CDC42BPG: variants seen among roughly 807,000 people sequenced by gnomAD.
CDC42BPG encodes CDC42 binding protein kinase gamma.
A neutral mutation model predicts 192.2 loss-of-function variants in CDC42BPG; 157 were observed. The ratio of observed to expected loss-of-function variants is 0.82; its 90% CI spans 0.72 to 0.93. The LOEUF is 0.93. Among genes scored for constraint, CDC42BPG ranks in the 40% least tolerant of loss-of-function variants. The pLI is 0.00. For synonymous variants in CDC42BPG, 981 were observed against 918.5 expected (o/e 1.07, Z -1.23); for missense variants, 1,992 against 2,122.1 (o/e 0.94, Z 1.20).
At chr11:64,826,429 C>T (rs1330160846) in intron 36 of CDC42BPG, 41 bp downstream of exon 36, 3 of 1,417,736 alleles carry the variant, frequency 2.1e-6, no homozygotes, top group South Asian at 1.2e-5. Flanking sequence ...AACTGCCTGA[C>T]GTTTGAATAG....
At chr11:64,836,613 C>CA (rs1306592871) in intron 11 of CDC42BPG, 83 bp from the exon 12 acceptor site, 1 of 1,370,920 alleles carries the variant, frequency 7.3e-7, no homozygotes, top group East Asian at 2.3e-5. Context: ...GCCTGTTTCC[C>CA]ACACGCGGGC....
At chr11:64,842,379 TG>T (rs1326802389) in intron 1 of CDC42BPG, among the ~76,000 whole-genome samples, 2 of 152,148 alleles carry the variant, frequency 1.3e-5, no homozygotes, top group African/African-American at 2.4e-5. Context: ...TCAGGAGCTG[TG>T]GGCCTGGGTC....
chr11:64,830,891 G>A (rs1180677508), intron 28 of CDC42BPG, among the ~76,000 whole-genome samples: 1 of 152,250 alleles, frequency 6.6e-6, no homozygotes, highest in Non-Finnish European at 1.5e-5. Context: ...TAGTGAGACA[G>A]CCAGGACTGA....
Position 64,839,576 on chromosome 11 carries a change from G to C in CDC42BPG, c.582-5C>G, listed in dbSNP as rs1188788031. ...ACGTTGTCTGGCTTGACATCCCTGG[G>C]GGATGGCAGGCAGGGAGAGTGAGGC... On this transcript the variant is annotated splice_region_variant and splice_polypyrimidine_tract_variant and intron_variant, in intron 5 of 36. Transcript: ENST00000342711. 12 of 1,610,128 alleles carry C rather than the reference G, an allele frequency of 7.5e-6. No individual in the cohort carries two copies. The highest frequency in any genetic ancestry group is 9.3e-6 in the Non-Finnish European group (11 of 1,178,904).
chr11:64,840,625 C>G lies in CDC42BPG; in HGVS notation c.360G>C (p.Arg120=). The G allele has an allele frequency of 6.2e-7, 1 of 1,613,892 alleles. No individual in the cohort carries two copies. The highest frequency in any genetic ancestry group is 8.5e-7 in the Non-Finnish European group (1 of 1,180,032). ...RAETACFREE[R]DVLVKGDSRW... is the part of the protein sequence containing the mutation. ...GGCTGTCCCCTTTCACGAGCACATC[C>G]CGCTCCTCCCGGAAACAGGCTGTCT... The change falls in exon 4 of 37, where the codon CGG becomes CGC. Residue 120 remains arginine (R), a synonymous_variant. Transcript: ENST00000342711.
chr11:64,826,859 A>C (rs939289220), intron 34 of CDC42BPG, 65 bp from the exon 35 acceptor site: 2 of 1,447,448 alleles, frequency 1.4e-6, no homozygotes, highest in East Asian at 2.4e-5. Flanking sequence ...GGCCCAAGGC[A>C]CAACAGACCA....
At chr11:64,841,035 C>T (rs1195933730) in intron 3 of CDC42BPG, among the ~76,000 whole-genome samples, 1 of 152,044 alleles carries the variant, frequency 6.6e-6, no homozygotes, top group Admixed American at 6.6e-5. Context: ...CCTGTAATCC[C>T]AGCTACTTGG....
At chr11:64,841,577 A>C in intron 3 of CDC42BPG, 73 bp downstream of exon 3, 56 of 862,992 alleles carry the variant, frequency 6.5e-5, no homozygotes, top group East Asian at 9.9e-5. Context: ...CCCGCGCCAT[A>C]GGCCCTGGCA....
Position 64,835,658 on chromosome 11 carries a change from G to A in CDC42BPG, c.1759-37C>T, listed in dbSNP as rs751504025. ...GGAGGGGGTCAGGGCAGAGACCCAAGATGCCATGGCCCACCCACCTGGGAC... is the reference window on the plus strand; with the variant it reads ...GGAGGGGGTCAGGGCAGAGACCCAAAATGCCATGGCCCACCCACCTGGGAC... On this transcript the variant is annotated intron_variant, in intron 14 of 36. Transcript: ENST00000342711. The A allele has an allele frequency of 1.9e-6, 3 of 1,581,174 alleles. No homozygotes were observed. The Admixed American group carries it at 5.2e-5, about 27-fold the overall frequency.
chr11:64,839,239 G>C lies in CDC42BPG; in HGVS notation c.676-6C>G. ...ACTGCCACTGATGAATCCACCTGTG[G>C]GTGGTGGTGGTGAAGCCATGAGGAC... On this transcript the variant is annotated splice_region_variant and splice_polypyrimidine_tract_variant and intron_variant, in intron 6 of 36. Coordinates refer to ENST00000342711, the MANE Select transcript of CDC42BPG (RefSeq NM_017525.3). 6.2e-7 allele frequency: 1 copy of C among 1,612,878 alleles called. No individual in the cohort carries two copies.
In CDC42BPG at chr11:64,826,766, CG is replaced by C. The variant is rs772065901; in HGVS notation, c.4417del (p.Arg1473AlafsTer33). 1 of 1,522,676 alleles carries C rather than the reference CG, an allele frequency of 6.6e-7. No individual in the cohort carries two copies. The highest frequency in any genetic ancestry group is 1.3e-5 in the South Asian group (1 of 79,856). 94.3% of individuals were successfully genotyped at this position (1,522,676 alleles called of 1,614,324 possible). ...GTGGGGCCGCTGTGGGCCGGAGCCG[CG>C]GGCAACTCGGCCCTTCTCTTCGGGA... ...PAPEEKGRVA[R>X]GSGPQRPHSF... On this transcript the variant is annotated frameshift_variant, in exon 35 of 37. Transcript: ENST00000342711. LOFTEE classifies it high-confidence loss of function.
rs973275498 is a variant in CDC42BPG at position 64,823,510 on chromosome 11, GTAATA to G, written c.*958_*962del. On this transcript the variant is annotated 3_prime_UTR_variant, in exon 37 of 37. Coordinates refer to ENST00000342711, the MANE Select transcript of CDC42BPG (RefSeq NM_017525.3). ...AGTGGGGGGAGGTTTAATAAAAATA[GTAATA>G]TAATAACAATATAATGACTGTGATC... 4.6e-5 allele frequency: 7 copies of G among 151,814 alleles called. No homozygotes were observed. The highest frequency in any genetic ancestry group is 1.7e-4 in the African/African-American group (7 of 41,336). 9.4% of individuals were successfully genotyped at this position (151,814 alleles called of 1,614,324 possible).
At position 64,836,243 on chromosome 11, in the gene CDC42BPG, C is replaced by T. The variant is rs759324258; in HGVS notation, c.1542G>A (p.Arg514=). 149 of 1,601,430 alleles carry T rather than the reference C, an allele frequency of 9.3e-5. No homozygotes were observed. The highest frequency in any genetic ancestry group is 1.2e-4 in the Non-Finnish European group (140 of 1,176,272). The change falls in exon 13 of 37, where the codon AGG becomes AGA. Residue 514 remains arginine (R), a synonymous_variant. Transcript: ENST00000342711. Reference sequence around the variant, plus strand: ...GCAGCTCCTCCTGCTGCCCCTGGGCCCTGCAGAGCTCCTGCTCCTGAGCCT... The same window carrying T: ...GCAGCTCCTCCTGCTGCCCCTGGGCTCTGCAGAGCTCCTGCTCCTGAGCCT... ...GLQAQEQELC[R]AQGQQEELLQ...
Position 64,840,605 on chromosome 11 carries a change from TC to T in CDC42BPG, c.379del (p.Asp127ThrfsTer5). On this transcript the variant is annotated frameshift_variant, in exon 4 of 37. Coordinates refer to ENST00000342711, the MANE Select transcript of CDC42BPG (RefSeq NM_017525.3). LOFTEE classifies it high-confidence loss of function. ...GTGCAGAGTGGTCACCCAACGGCTG[TC>T]CCCTTTCACGAGCACATCCCGCTCC... Reference protein sequence around the residue: ...REERDVLVKGDSRWVTTLHYA... With the variant: ...REERDVLVKGXSRWVTTLHYA... 6.2e-7 allele frequency: 1 copy of T among 1,613,902 alleles called. No individual in the cohort carries two copies. Among genetic ancestry groups the T allele is most frequent in the South Asian group, 1.1e-5 (1 of 91,086 alleles).
chr11:64,834,829 G>C lies in CDC42BPG; in HGVS notation c.2175+20C>G. On this transcript the variant is annotated intron_variant, in intron 18 of 36. Coordinates refer to ENST00000342711, the MANE Select transcript of CDC42BPG (RefSeq NM_017525.3). ...AGTGACTTGCCCAAGCCAGCCCCCA[G>C]GGGCATCTCTGGGGCTCACCAGTGG... 1.9e-5 allele frequency: 30 copies of C among 1,606,256 alleles called. No homozygotes were observed. The highest frequency in any genetic ancestry group is 2.4e-5 in the Non-Finnish European group (28 of 1,175,206).
chr11:64,843,444 G>A (rs1156994301), intron 1 of CDC42BPG, among the ~76,000 whole-genome samples: 1 of 152,108 alleles, frequency 6.6e-6, no homozygotes, highest in Non-Finnish European at 1.5e-5. Flanking sequence ...CTGGATGGAA[G>A]GGTTGGGGCT....
chr11:64,829,922 C>T lies in CDC42BPG; in HGVS notation c.3516G>A (p.Lys1172=). The change falls in exon 30 of 37, where the codon AAG becomes AAA. Residue 1172 remains lysine (K), a synonymous_variant. Transcript: ENST00000342711. ...CCTGGCAGCCTCGAGACTCGGGGAT[C>T]TTGGCACCTGCTACCTCTATGTTCT... ...ELENIEVAGA[K]IPESRGCQVL... 6.2e-7 allele frequency: 1 copy of T among 1,610,912 alleles called. No homozygotes were observed. The highest frequency in any genetic ancestry group is 8.5e-7 in the Non-Finnish European group (1 of 1,179,092).
Position 64,826,679 on chromosome 11 carries a change from G to A in CDC42BPG, c.4505C>T (p.Ala1502Val). 6.4e-7 allele frequency: 1 copy of A among 1,565,930 alleles called. No individual in the cohort carries two copies. Among genetic ancestry groups the A allele is most frequent in the Non-Finnish European group, 8.6e-7 (1 of 1,156,160 alleles). ...SMGSEGLGGDADPMKRKPWTS... is the reference protein window; with the variant it reads ...SMGSEGLGGDVDPMKRKPWTS... ...TGAGGGGCTGCCCTTACTGGGGTCT[G>A]CGTCTCCACCGAGGCCTTCGCTGCC... Residue 1502 changes from alanine (A) to valine (V), a missense_variant, in exon 35 of 37, where the codon GCA becomes GTA. Coordinates refer to ENST00000342711, the MANE Select transcript of CDC42BPG (RefSeq NM_017525.3).
chr11:64,835,872 G>T (rs1197145480), intron 13 of CDC42BPG, 21 bp from the exon 14 acceptor site: 1 of 1,598,084 alleles, frequency 6.3e-7, no homozygotes, highest in Admixed American at 1.7e-5. Context: ...TGCAGAGGCA[G>T]GCCACTGCCA....
Sources: gnomAD v4.1 joint callset for allele counts (sites outside exome capture counted in the v4.1 genomes callset) on GRCh38, gnomAD v4.1.1 for gene constraint, MANE v1.5 for transcripts, NCBI Gene and HGNC (gene_info 2026-07-23, HGNC 2026-07-21) for gene names.